TMC3: variants seen among roughly 807,000 people sequenced by gnomAD.
The protein encoded by TMC3 is transmembrane channel-like protein 3.
Under a neutral mutation model 110.6 loss-of-function variants are expected in TMC3, and 98 were observed. The observed-to-expected ratio is 0.89, with a 90% CI of 0.75 to 1.05. The LOEUF (loss-of-function observed/expected upper bound fraction) is 1.05. Among genes scored for constraint, TMC3 ranks in the 50% least tolerant of loss-of-function variants. TMC3 has a pLI of 0.00. For missense variants in TMC3, 1,319 were observed against 1,373.2 expected (o/e 0.96, Z 0.62); for synonymous variants, 489 against 513.1 (o/e 0.95, Z 0.63).
At chr15:81,335,105 T>C in intron 20 of TMC3, 130 bp from the exon 21 acceptor site, 5 of 969,630 alleles carry the variant, frequency 5.2e-6, no homozygotes, top group Non-Finnish European at 7.7e-6. Context: ...CACTTACAAA[T>C]GCACCTAACC....
chr15:81,370,723 G>A (rs532750214), intron 2 of TMC3, among the ~76,000 whole-genome samples: 19 of 147,114 alleles, frequency 1.3e-4, no homozygotes, highest in Admixed American at 1.3e-3. Flanking sequence ...CACCCAGGCT[G>A]GAGGGCAGTG....
intron 3 of TMC3, among the ~76,000 whole-genome samples, chr15:81,368,038 G>T (rs1473772605): frequency 6.6e-6 from 1 of 152,098 alleles, no homozygotes; most frequent in Admixed American, 6.6e-5. Context: ...AGGCTCAAGC[G>T]ATTCTCCTGC....
In TMC3 at chr15:81,354,586, C is replaced by T. The variant is rs543859949; in HGVS notation, c.935+1139G>A. 6.6e-5 allele frequency among the ~76,000 whole-genome samples: 10 copies of T among 152,220 alleles called. 1 individual carries two copies. The highest frequency in any genetic ancestry group is 3.3e-4 in the Admixed American group (5 of 15,304). ...AGAAGATCCCTGGGGCACCAAACAG[C>T]GGGTACGAGCAAGGGGTACATGTGT... is the stretch of plus-strand genomic sequence containing the variant. On this transcript the variant is annotated intron_variant, in intron 9 of 21. Coordinates refer to ENST00000359440, the MANE Select transcript of TMC3 (RefSeq NM_001080532.3).
intron 15 of TMC3, chr15:81,341,751 C>T: frequency 3.3e-6 from 1 of 298,710 alleles, no homozygotes; most frequent in South Asian, 6.1e-5. Flanking sequence ...TTGCAAAGGA[C>T]AACTGTTTGT....
rs757068905 is a variant in TMC3, at chr15:81,333,233, C to T, written c.2489G>A (p.Ser830Asn). The change falls in exon 22 of 22, where the codon AGT becomes AAT. Residue 830 changes from serine to asparagine, a missense_variant. Ser to Asn is a conservative substitution (Grantham distance 46). Coordinates refer to ENST00000359440, the MANE Select transcript of TMC3 (RefSeq NM_001080532.3). ...GCGCGATCTGTTCCTGTGAAGGTCA[C>T]TGGTGCTTGCACACAGACCGTGCAG... is the stretch of plus-strand genomic sequence containing the variant. ...RYLHGLCAST[S>N]DLHRNRSRTP... The T allele has an allele frequency of 6.2e-7, 1 of 1,612,872 alleles. No homozygotes were observed.
Position 81,351,691 on chromosome 15 carries a change from T to C in TMC3, c.1083+3A>G, listed in dbSNP as rs1893953757. ...GGGTGCTGCAGGTAATGGCAGTGGG[T>C]ACCTCATTCTTTTCCCAAAGTGTCA... is the stretch of plus-strand genomic sequence containing the variant. On this transcript the variant is annotated splice_donor_region_variant and intron_variant, in intron 10 of 21. Transcript: ENST00000359440. 3 of 1,552,666 alleles carry C rather than the reference T, an allele frequency of 1.9e-6. No homozygotes were observed. The highest frequency in any genetic ancestry group is 2.6e-6 in the Non-Finnish European group (3 of 1,147,500).
intron 11 of TMC3, among the ~76,000 whole-genome samples, chr15:81,346,712 A>G (rs916440234): frequency 5.3e-5 from 8 of 152,178 alleles, no homozygotes; most frequent in African/African-American, 1.9e-4. Flanking sequence ...TACAAACACT[A>G]GTGTAGCAGA....
intron 20 of TMC3, chr15:81,336,038 C>T (rs754416359): frequency 6.6e-6 from 1 of 152,166 alleles, no homozygotes; most frequent in Non-Finnish European, 1.5e-5. Context: ...TCTCCTACTT[C>T]GATACTTCCT....
At chr15:81,370,800 G>A (rs987960155) in intron 2 of TMC3, among the ~76,000 whole-genome samples, 3 of 150,420 alleles carry the variant, frequency 2.0e-5, no homozygotes, top group South Asian at 2.1e-4. Flanking sequence ...TCAGCCTCCC[G>A]AATAGCTGGG....
chr15:81,355,412 T>G (rs542768423), intron 9 of TMC3, among the ~76,000 whole-genome samples: 1 of 152,338 alleles, frequency 6.6e-6, no homozygotes, highest in South Asian at 2.1e-4. Context: ...AGTTTCTAAA[T>G]AAAACTAGTC....
At position 81,344,979 on chromosome 15, in the gene TMC3, C is replaced by A. The variant is rs1199240973; in HGVS notation, c.1305G>T (p.Trp435Cys). The stretch of plus-strand genomic sequence containing the variant: ...TTGCAAAGAAGGTGGTGGAATCTAT[C>A]CAATGACTTGTGTTATTTTTGGTAG... ...EMATKNNTSH[W>C]IDSTTFFATR... The change falls in exon 13 of 22, where the codon TGG becomes TGT. Residue 435 changes from tryptophan (W) to cysteine (C), a missense_variant. Physicochemically the swap from Trp to Cys is radical, Grantham distance 215 (BLOSUM62 -2). Coordinates refer to ENST00000359440, the MANE Select transcript of TMC3 (RefSeq NM_001080532.3). The A allele has an allele frequency of 1.3e-6, 2 of 1,595,626 alleles. No individual in the cohort carries two copies. The highest frequency in any genetic ancestry group is 1.1e-5 in the South Asian group (1 of 88,180).
chr15:81,352,899 G>A (rs977809726), intron 9 of TMC3, among the ~76,000 whole-genome samples: 1 of 152,102 alleles, frequency 6.6e-6, no homozygotes, highest in Non-Finnish European at 1.5e-5. Context: ...GGCTCACTGC[G>A]ACCTCTGCCT....
chr15:81,333,068 G>C lies in TMC3; in HGVS notation c.2654C>G (p.Pro885Arg), dbSNP rs747845370. The part of the protein sequence containing the change: ...LLAQGPRPHA[P>R]RYYVINECDS... ...ACATTCATTAATGACATAGTATCTG[G>C]GGGCGTGGGGCCTGGGACCCTGTGC... The change falls in exon 22 of 22, where the codon CCC becomes CGC. Residue 885 changes from proline (P) to arginine (R), a missense_variant. Coordinates refer to ENST00000359440, the MANE Select transcript of TMC3 (RefSeq NM_001080532.3). 7.4e-6 allele frequency: 12 copies of C among 1,613,780 alleles called. No homozygotes were observed. The highest frequency in any genetic ancestry group is 1.0e-5 in the Non-Finnish European group (12 of 1,179,792).
intron 3 of TMC3, among the ~76,000 whole-genome samples, chr15:81,366,610 G>C (rs1292079419): frequency 6.6e-6 from 1 of 152,108 alleles, no homozygotes; most frequent in East Asian, 1.9e-4. Context: ...TAGCACTTCA[G>C]CTTATTTAGA....
chr15:81,372,838 G>T, intron 1 of TMC3, 101 bp from the exon 2 acceptor site: 1 of 1,224,888 alleles, frequency 8.2e-7, no homozygotes, highest in Non-Finnish European at 1.1e-6. Context: ...ACTGCCCTAG[G>T]GTCATCTGTA....
intron 19 of TMC3, chr15:81,337,609 G>T (rs937725481): frequency 1.4e-5 from 8 of 586,206 alleles, no homozygotes; most frequent in South Asian, 5.9e-5. Flanking sequence ...CAGCTGCAAG[G>T]CCTCTTGAGG....
Position 81,332,297 on chromosome 15 carries a change from G to T in TMC3, c.*122C>A. The T allele has an allele frequency of 7.3e-7, 1 of 1,378,874 alleles. No individual in the cohort carries two copies. The highest frequency in any genetic ancestry group is 9.6e-7 in the Non-Finnish European group (1 of 1,041,812). The allele number at this position is 1,378,874 out of a possible 1,614,324, so 85.4% of individuals were successfully genotyped here. A position where few individuals can be genotyped will look rare whatever the true frequency, so the allele number is the denominator to read the frequency against. ...CTCAGGGCCTCAGCTAGCAGCCGCT[G>T]ACCATGCCCCTCAGGTCTCTAACAC... On this transcript the variant is annotated 3_prime_UTR_variant, in exon 22 of 22. Coordinates refer to ENST00000359440, the MANE Select transcript of TMC3 (RefSeq NM_001080532.3).
In TMC3 at chr15:81,338,703, C is replaced by G; in HGVS notation, c.2033G>C (p.Gly678Ala). 1 of 1,614,016 alleles carries G rather than the reference C, an allele frequency of 6.2e-7. No homozygotes were observed. The highest frequency in any genetic ancestry group is 8.5e-7 in the Non-Finnish European group (1 of 1,179,892). The change falls in exon 18 of 22, where the codon GGA becomes GCA. Residue 678 changes from glycine to alanine, a missense_variant. Transcript: ENST00000359440. ...DFPVWFGSVV[G>A]HISSPVVILP... ...GATGACCACGGGGCTACTGATGTGT[C>G]CAACCACGGAGCCAAACCACACAGG...
At chr15:81,351,635 A>C in intron 10 of TMC3, 59 bp downstream of exon 10, 2 of 1,541,318 alleles carry the variant, frequency 1.3e-6, no homozygotes, top group Non-Finnish European at 1.8e-6. Context: ...TACAGGCATC[A>C]GCCACTGTGC....
Sources: allele counts gnomAD v4.1 joint callset (sites outside exome capture counted in the v4.1 genomes callset), GRCh38; gene constraint gnomAD v4.1.1; transcripts MANE v1.5; gene names NCBI Gene and HGNC (gene_info 2026-07-23, HGNC 2026-07-21).